Variants in RAP1GAP2 observed in about 807,000 individuals in gnomAD.
The protein encoded by RAP1GAP2 is RAP1 GTPase activating protein 2.
Under a neutral mutation model 95.0 loss-of-function variants are expected in RAP1GAP2, and 27 were observed. The ratio of observed to expected loss-of-function variants is 0.28; its 90% CI spans 0.21 to 0.39. RAP1GAP2 has a LOEUF of 0.39. Ranked by LOEUF, RAP1GAP2 falls within the 10% of genes least tolerant of loss-of-function variation. The pLI is 1.00. For synonymous variants in RAP1GAP2, 373 were observed against 380.9 expected, an observed-to-expected ratio of 0.98 and a Z score of 0.24; for missense variants, 771 against 970.0, an observed-to-expected ratio of 0.79 and a Z score of 2.72.
At chr17:2,991,249 C>T (rs757733767) in intron 11 of RAP1GAP2, 48 bp from the exon 12 acceptor site, 7 of 1,429,630 alleles carry the variant, frequency 4.9e-6, no homozygotes, top group South Asian at 1.2e-5. Flanking sequence ...CCTTTAGCAT[C>T]AGAAAGAATT....
chr17:2,957,437 C>CCGAGGA (rs1471959832), intron 3 of RAP1GAP2, among the ~76,000 whole-genome samples: 1 of 152,206 alleles, frequency 6.6e-6, no homozygotes, highest in Non-Finnish European at 1.5e-5. Context: ...AGGCTGAATG[C>CCGAGGA]CGAGGACGAT....
chr17:2,809,872 C>T (rs542309732), intron 2 of RAP1GAP2, among the ~76,000 whole-genome samples: 5 of 152,288 alleles, frequency 3.3e-5, no homozygotes, highest in Admixed American at 1.3e-4. Flanking sequence ...CCTCAGGGGC[C>T]GTACAGAGAC....
chr17:2,988,893 C>T (rs1406647213), intron 11 of RAP1GAP2, among the ~76,000 whole-genome samples: 1 of 152,128 alleles, frequency 6.6e-6, no homozygotes, highest in East Asian at 1.9e-4. Flanking sequence ...AACCCTGTCT[C>T]TCCTAAAAAT....
rs768651170 is a variant in RAP1GAP2 at position 3,036,510 on chromosome 17, CA to C, written c.*3150del. 7 of 152,260 alleles carry C rather than the reference CA, an allele frequency of 4.6e-5. No individual in the cohort carries two copies. The highest frequency in any genetic ancestry group is 4.4e-5 in the Non-Finnish European group (3 of 68,118). 9.4% of individuals were successfully genotyped at this position (152,260 alleles called of 1,614,324 possible). ...GGCTGCAGTTTCTGCTCTTTTTCATCAGGGGGGATAGTCTCTAGGATTTTTC... is the reference window on the plus strand; with the variant it reads ...GGCTGCAGTTTCTGCTCTTTTTCATCGGGGGGATAGTCTCTAGGATTTTTC... On this transcript the variant is annotated 3_prime_UTR_variant, in exon 25 of 25. Coordinates refer to ENST00000254695, the MANE Select transcript of RAP1GAP2 (RefSeq NM_015085.5).
At chr17:2,784,766 A>G (rs1050865399) in intron 1 of RAP1GAP2, among the ~76,000 whole-genome samples, 5 of 152,056 alleles carry the variant, frequency 3.3e-5, no homozygotes, top group African/African-American at 1.2e-4. Flanking sequence ...TTTCTGTCCC[A>G]GTTTATTATC....
intron 11 of RAP1GAP2, among the ~76,000 whole-genome samples, chr17:2,991,006 A>G (rs1015521411): frequency 1.3e-5 from 2 of 151,734 alleles, no homozygotes. Flanking sequence ...CACCATGCCC[A>G]GTTACTTTTT....
chr17:2,828,108 A>C (rs1213807392), intron 2 of RAP1GAP2, among the ~76,000 whole-genome samples: 6 of 152,238 alleles, frequency 3.9e-5, no homozygotes, highest in African/African-American at 1.4e-4. Flanking sequence ...TGGGAGGCCA[A>C]GGCTGGCGGA....
At chr17:2,981,720 A>G (rs534007190) in intron 10 of RAP1GAP2, among the ~76,000 whole-genome samples, 1 of 152,270 alleles carries the variant, frequency 6.6e-6, no homozygotes, top group East Asian at 1.9e-4. Flanking sequence ...TGCTGCCTTC[A>G]TTTATAAACC....
At chr17:2,971,685 G>A (rs375347263) in intron 8 of RAP1GAP2, among the ~76,000 whole-genome samples, 1 of 152,130 alleles carries the variant, frequency 6.6e-6, no homozygotes, top group Admixed American at 6.5e-5. Flanking sequence ...AAATGATGAT[G>A]GTAGCATGTA....
chr17:3,025,905 C>T, intron 19 of RAP1GAP2, 103 bp from the exon 20 acceptor site: 1 of 834,096 alleles, frequency 1.2e-6, no homozygotes, highest in Non-Finnish European at 2.0e-6. Context: ...GCTCTGACCC[C>T]ACTGCCCCTC....
At chr17:2,905,196 A>T in intron 2 of RAP1GAP2, 88 bp from the exon 3 acceptor site, 1 of 1,278,552 alleles carries the variant, frequency 7.8e-7, no homozygotes, top group Non-Finnish European at 1.1e-6. Flanking sequence ...ATTGTATGTT[A>T]AACTGTGTCC....
intron 8 of RAP1GAP2, among the ~76,000 whole-genome samples, chr17:2,974,266 G>A (rs1034703408): frequency 2.0e-5 from 3 of 151,616 alleles, no homozygotes; most frequent in Non-Finnish European, 4.4e-5. Flanking sequence ...GGAGAATGGC[G>A]TGAACCCAGG....
chr17:2,781,098 C>T (rs1458687916), intron 1 of RAP1GAP2, among the ~76,000 whole-genome samples: 1 of 152,262 alleles, frequency 6.6e-6, no homozygotes, highest in East Asian at 1.9e-4. Flanking sequence ...TGCCGAGCCC[C>T]TGGCCCCGGC....
chr17:2,940,431 G>A (rs918568301), intron 3 of RAP1GAP2, among the ~76,000 whole-genome samples: 1 of 152,250 alleles, frequency 6.6e-6, no homozygotes, highest in Admixed American at 6.5e-5. Context: ...CCCACTGCCA[G>A]CCAAAGGCTG....
At chr17:2,786,345 T>G (rs1384665282) in intron 1 of RAP1GAP2, among the ~76,000 whole-genome samples, 3 of 152,200 alleles carry the variant, frequency 2.0e-5, no homozygotes, top group African/African-American at 7.2e-5. Context: ...AGGAGGAGGA[T>G]TTCCCCCTCC....
At chr17:2,974,613 GT>G (rs1025128642) in intron 8 of RAP1GAP2, among the ~76,000 whole-genome samples, 23 of 151,170 alleles carry the variant, frequency 1.5e-4, no homozygotes, top group African/African-American at 5.3e-4. Context: ...TTTTTTGCAT[GT>G]TTAAAAGGAG....
chr17:2,952,809 G>GTTT (rs146207427), intron 3 of RAP1GAP2, among the ~76,000 whole-genome samples: 2 of 148,762 alleles, frequency 1.3e-5, no homozygotes, highest in African/African-American at 4.9e-5. Context: ...ACATTTTTCT[G>GTTT]TTTTTTTTTT....
At position 2,857,901 on chromosome 17, in the gene RAP1GAP2, A is replaced by G. The variant is rs1297393799; in HGVS notation, c.81-47383A>G. On this transcript the variant is annotated intron_variant, in intron 2 of 24. Coordinates refer to ENST00000254695, the MANE Select transcript of RAP1GAP2 (RefSeq NM_015085.5). This position sits in a 1 kb window ranked among gnomAD's most constrained non-coding sequence, Gnocchi z 4.0. ...GACCACCTGAGGTCAGGAGTTGAAAACCACCCTGGCCAACATGGCAAAAAC... is the reference window on the plus strand; with the variant it reads ...GACCACCTGAGGTCAGGAGTTGAAAGCCACCCTGGCCAACATGGCAAAAAC... 1.3e-5 allele frequency among the ~76,000 whole-genome samples: 2 copies of G among 151,998 alleles called. No homozygotes were observed. Among genetic ancestry groups the G allele is most frequent in the Non-Finnish European group, 2.9e-5 (2 of 68,004 alleles).
At chr17:2,967,611 A>G (rs715662) in intron 8 of RAP1GAP2, among the ~76,000 whole-genome samples, 47,138 of 151,946 alleles carry the variant, frequency 0.31, 7,408 homozygotes, top group South Asian at 0.39. Context: ...GAAAGCTAGT[A>G]GGTAGGGTGG....
Sources: gnomAD v4.1 joint callset for allele counts (sites outside exome capture counted in the v4.1 genomes callset) on GRCh38, gnomAD v4.1.1 for gene constraint, Gnocchi (gnomAD v3.1) non-coding constraint, MANE v1.5 for transcripts, NCBI Gene and HGNC (gene_info 2026-07-23, HGNC 2026-07-21) for gene names.